XXYLT1: variants seen among roughly 807,000 people sequenced by gnomAD.
The protein encoded by XXYLT1 is UDP-xylose:alpha-xyloside alpha-1,3-xylosyltransferase.
Under a neutral mutation model 28.9 loss-of-function variants are expected in XXYLT1, and 20 were observed. That is an observed-to-expected ratio of 0.69 (90% confidence interval 0.49 to 1.00). The LOEUF is 1.00. Among genes scored for constraint, XXYLT1 ranks in the 50% least tolerant of loss-of-function variants. The pLI is 0.00. For missense variants in XXYLT1, 542 were observed against 560.1 expected, an observed-to-expected ratio of 0.97 and a Z score of 0.33; for synonymous variants, 257 against 253.8, an observed-to-expected ratio of 1.01 and a Z score of -0.12.
intron 2 of XXYLT1, among the ~76,000 whole-genome samples, chr3:195,208,097 C>T (rs757285512): frequency 2.6e-5 from 4 of 152,214 alleles, no homozygotes; most frequent in Non-Finnish European, 5.9e-5. Context: ...GGACAGGGAC[C>T]CACCAGGGCA....
Position 195,271,096 on chromosome 3 carries a change from C to A in XXYLT1, c.-38G>T. 1 of 1,303,310 alleles carries A rather than the reference C, an allele frequency of 7.7e-7. No homozygotes were observed. Among genetic ancestry groups the A allele is most frequent in the Non-Finnish European group, 9.7e-7 (1 of 1,029,162 alleles). The allele number at this position is 1,303,310 out of a possible 1,614,324, so 80.7% of individuals were successfully genotyped here. ...CGCGGCGCCAGCGGTGCCAGCAACG[C>A]GGGAGAGCCCTCGGGTACCCGGACG... On this transcript the variant is annotated 5_prime_UTR_variant, in exon 1 of 4. Transcript: ENST00000310380.
intron 1 of XXYLT1, among the ~76,000 whole-genome samples, chr3:195,237,471 T>C (rs755267406): frequency 8.5e-5 from 13 of 152,122 alleles, no homozygotes; most frequent in Non-Finnish European, 1.6e-4. Context: ...TCCTACCCTC[T>C]GCAGTGCTTC....
chr3:195,105,408 C>T (rs4677655), intron 3 of XXYLT1, among the ~76,000 whole-genome samples: 75,135 of 152,008 alleles, frequency 0.49, 19,981 homozygotes, highest in Non-Finnish European at 0.58. Context: ...CCAGGATATT[C>T]ACCAAAGTTT....
At chr3:195,239,066 C>G (rs1433558794) in intron 1 of XXYLT1, among the ~76,000 whole-genome samples, 1 of 152,222 alleles carries the variant, frequency 6.6e-6, no homozygotes, top group African/African-American at 2.4e-5. Context: ...AAACTGTACT[C>G]AGTACATTGT....
intron 1 of XXYLT1, among the ~76,000 whole-genome samples, chr3:195,239,075 G>C (rs996988887): frequency 6.6e-6 from 1 of 152,182 alleles, no homozygotes; most frequent in Non-Finnish European, 1.5e-5. Flanking sequence ...TCAGTACATT[G>C]TTCCAGACGC....
rs374251651 is a variant in XXYLT1, at chr3:195,129,165, C to T, written c.785+27284G>A. On this transcript the variant is annotated intron_variant, in intron 3 of 3. Coordinates refer to ENST00000310380, the MANE Select transcript of XXYLT1 (RefSeq NM_152531.5). The surrounding 1 kb of genome is among the most constrained non-coding windows in gnomAD (Gnocchi z 4.4). ...CATAGAGAGGGACAGCAGAGTTTAG[C>T]GTGAACACTGAAGTCTGCACTTATA... is the stretch of plus-strand genomic sequence containing the variant. 3.9e-4 allele frequency among the ~76,000 whole-genome samples: 59 copies of T among 152,268 alleles called. No homozygotes were observed. Among genetic ancestry groups the T allele is most frequent in the African/African-American group, 1.4e-3 (58 of 41,564 alleles).
chr3:195,231,263 T>C (rs773746662), intron 1 of XXYLT1, among the ~76,000 whole-genome samples: 3 of 152,212 alleles, frequency 2.0e-5, no homozygotes, highest in African/African-American at 4.8e-5. Context: ...TTCTAATCAA[T>C]ACATTTTTTG....
intron 3 of XXYLT1, chr3:195,122,208 C>G: frequency 4.3e-6 from 3 of 702,418 alleles, no homozygotes; most frequent in Non-Finnish European, 7.8e-6. Flanking sequence ...CCTAATCACT[C>G]TCCAAAGGCC....
At chr3:195,175,939 T>C (rs1054043655) in intron 2 of XXYLT1, 2 of 1,382,472 alleles carry the variant, frequency 1.4e-6, no homozygotes, top group South Asian at 1.6e-5. Context: ...TTCAGTCATG[T>C]TTGTTATTAC....
chr3:195,095,481 A>G (rs1473947342), intron 3 of XXYLT1: 3 of 153,874 alleles, frequency 1.9e-5, no homozygotes, highest in African/African-American at 4.8e-5. Context: ...GACAGCTCCT[A>G]GAGCTGAGCC....
Position 195,145,779 on chromosome 3 carries a change from G to A in XXYLT1, c.785+10670C>T, listed in dbSNP as rs547186856. 1.6e-4 allele frequency among the ~76,000 whole-genome samples: 24 copies of A among 152,330 alleles called. No homozygotes were observed. The South Asian group carries it at 2.9e-3, about 18-fold the overall frequency. On this transcript the variant is annotated intron_variant, in intron 3 of 3. Coordinates refer to ENST00000310380, the MANE Select transcript of XXYLT1 (RefSeq NM_152531.5). The stretch of plus-strand genomic sequence containing the variant: ...ATCCAGGCAAATCACGACATACTAC[G>A]CCAATTCTGGCTCAGCTTCCTCTTT...
rs149982137 is a variant in XXYLT1, at chr3:195,258,577, T to C, written c.504+11978A>G. 3.5e-3 allele frequency among the ~76,000 whole-genome samples: 531 copies of C among 152,298 alleles called. 1 individual carries two copies. The highest frequency in any genetic ancestry group is 6.2e-3 in the South Asian group (30 of 4,826). ...TCTACACAAGACTACAAAGGCTTCA[T>C]CATCCTGACAAGCAGCAGCTCCCAC... On this transcript the variant is annotated intron_variant, in intron 1 of 3. Transcript: ENST00000310380.
intron 1 of XXYLT1, among the ~76,000 whole-genome samples, chr3:195,258,522 T>G (rs902942500): frequency 3.9e-5 from 6 of 152,094 alleles, no homozygotes; most frequent in African/African-American, 1.4e-4. Flanking sequence ...TTCGAGAAAC[T>G]AAGGAACGTT....
intron 3 of XXYLT1, among the ~76,000 whole-genome samples, chr3:195,084,505 G>A (rs959955935): frequency 6.6e-6 from 1 of 152,220 alleles, no homozygotes; most frequent in Non-Finnish European, 1.5e-5. Flanking sequence ...AAGACTGCCT[G>A]CAGCCTTTCC....
At chr3:195,158,746 C>T (rs536260936) in intron 2 of XXYLT1, among the ~76,000 whole-genome samples, 2 of 152,354 alleles carry the variant, frequency 1.3e-5, no homozygotes, top group Admixed American at 1.3e-4. Context: ...CCTGCACTGT[C>T]CTGCGGGCAC....
At chr3:195,143,883 TA>T (rs1577073902) in intron 3 of XXYLT1, among the ~76,000 whole-genome samples, 13 of 128,274 alleles carry the variant, frequency 1.0e-4, no homozygotes, top group African/African-American at 1.8e-4. Context: ...TATATATATA[TA>T]TATATTTATT....
chr3:195,125,090 A>T (rs551127827), intron 3 of XXYLT1, among the ~76,000 whole-genome samples: 8 of 152,368 alleles, frequency 5.3e-5, no homozygotes, highest in Admixed American at 2.0e-4. Flanking sequence ...AGCTGATAGA[A>T]AAAAGAGAAT....
At chr3:195,265,195 C>T (rs1039006674) in intron 1 of XXYLT1, among the ~76,000 whole-genome samples, 6 of 151,922 alleles carry the variant, frequency 3.9e-5, no homozygotes, top group Non-Finnish European at 5.9e-5. Flanking sequence ...CATAGTGAAA[C>T]GCCATCTCTG....
rs549994318 is a variant in XXYLT1 at position 195,173,448 on chromosome 3, T to C, written c.653-16867A>G. Among the ~76,000 whole-genome samples the C allele has an allele frequency of 2.0e-5, 3 of 152,332 alleles. No homozygotes were observed. Among genetic ancestry groups the C allele is most frequent in the African/African-American group, 7.2e-5 (3 of 41,570 alleles). On this transcript the variant is annotated intron_variant, in intron 2 of 3. Transcript: ENST00000310380. This position sits in a 1 kb window ranked among gnomAD's most constrained non-coding sequence, Gnocchi z 4.3. Reference sequence around the variant, plus strand: ...CGACACTAAGTAACATTCTGGTTCATATAAGACTGGGCGGAAGAACAGCTC... The same window carrying C: ...CGACACTAAGTAACATTCTGGTTCACATAAGACTGGGCGGAAGAACAGCTC...
Sources: gnomAD v4.1 joint callset for allele counts (sites outside exome capture counted in the v4.1 genomes callset) on GRCh38, gnomAD v4.1.1 for gene constraint, Gnocchi (gnomAD v3.1) non-coding constraint, MANE v1.5 for transcripts, NCBI Gene and HGNC (gene_info 2026-07-23, HGNC 2026-07-21) for gene names.